Variants in KMT2E observed in about 807,000 individuals in gnomAD.
KMT2E encodes lysine methyltransferase 2E (inactive).
In KMT2E, 30 loss-of-function variants were observed where a neutral mutation model predicts 184.6. The observed-to-expected ratio is 0.16, with a 90% CI of 0.12 to 0.22. The LOEUF is 0.22. Among genes scored for constraint, KMT2E ranks in the 10% least tolerant of loss-of-function variants. KMT2E has a pLI of 1.00. For missense variants in KMT2E, 2,023 were observed against 2,237.4 expected, an observed-to-expected ratio of 0.90 and a Z score of 1.93; for synonymous variants, 815 against 776.5, an observed-to-expected ratio of 1.05 and a Z score of -0.82.
chr7:105,106,885 T>C, intron 20 of KMT2E, 113 bp downstream of exon 20: 1 of 1,097,360 alleles, frequency 9.1e-7, no homozygotes, highest in Non-Finnish European at 1.3e-6. Context: ...AAAAAAAAGG[T>C]TGTAAGAAAC....
At chr7:105,052,732 T>A (rs2129566292) in intron 3 of KMT2E, among the ~76,000 whole-genome samples, 1 of 151,516 alleles carries the variant, frequency 6.6e-6, no homozygotes, top group South Asian at 2.1e-4. Context: ...CTAATTTTTT[T>A]TTTTATTTTT....
chr7:105,051,252 C>G (rs1179357781), intron 3 of KMT2E, among the ~76,000 whole-genome samples: 1 of 151,086 alleles, frequency 6.6e-6, no homozygotes, highest in Non-Finnish European at 1.5e-5. Context: ...ATGGCACGAT[C>G]TTGGCTCACT....
At chr7:105,104,913 A>G (rs1453336330) in intron 17 of KMT2E, 2 of 152,438 alleles carry the variant, frequency 1.3e-5, no homozygotes, top group African/African-American at 4.8e-5. Context: ...TCACACCTGT[A>G]AACTCAGCAC....
chr7:105,108,757 T>C (rs536210168), intron 22 of KMT2E, 185 bp from the exon 23 acceptor site: 5 of 581,358 alleles, frequency 8.6e-6, no homozygotes, highest in African/African-American at 3.7e-5. Flanking sequence ...TGTATGTAAA[T>C]CATCTAAGTA....
intron 6 of KMT2E, among the ~76,000 whole-genome samples, chr7:105,068,624 G>GTTTTTTTTTTTTTT (rs77819480): frequency 1.8e-5 from 2 of 112,270 alleles, no homozygotes; most frequent in African/African-American, 4.0e-5. Flanking sequence ...ACTAGTTGTG[G>GTTTTTTTTTTTTTT]TTTTTTTTTT....
chr7:105,062,326 T>C (rs1390777816), intron 4 of KMT2E, 48 bp downstream of exon 4: 1 of 1,224,036 alleles, frequency 8.2e-7, no homozygotes, highest in Non-Finnish European at 1.2e-6. Context: ...ATTTAGAGAT[T>C]GAAAGTAGAT....
At chr7:105,089,320 T>C in intron 13 of KMT2E, 1 of 393,164 alleles carries the variant, frequency 2.5e-6, no homozygotes. Context: ...TGCCTTAGCC[T>C]ATCGCGTAGC....
chr7:105,071,580 G>GTATATATATATATATATATA (rs1438005247), intron 6 of KMT2E, among the ~76,000 whole-genome samples: 34 of 64,962 alleles, frequency 5.2e-4, no homozygotes, highest in East Asian at 1.2e-3. Flanking sequence ...GTATGTGTGT[G>GTATATATATATATATATATA]TGTATATATA....
intron 6 of KMT2E, among the ~76,000 whole-genome samples, chr7:105,067,167 CTAT>C (rs1167573352): frequency 2.0e-5 from 3 of 149,896 alleles, no homozygotes; most frequent in Admixed American, 6.7e-5. Flanking sequence ...TGTATTCTTA[CTAT>C]TATTTTTGTA....
intron 3 of KMT2E, among the ~76,000 whole-genome samples, chr7:105,044,133 C>G (rs564838192): frequency 6.6e-6 from 1 of 152,042 alleles, no homozygotes; most frequent in East Asian, 1.9e-4. Context: ...CTTCTGATGA[C>G]CAAAAATGTT....
chr7:105,023,543 C>G (rs1418242299), intron 1 of KMT2E, among the ~76,000 whole-genome samples: 1 of 149,230 alleles, frequency 6.7e-6, no homozygotes, highest in African/African-American at 2.5e-5. Context: ...CTTCCGGGTT[C>G]ATGCCATTCT....
intron 3 of KMT2E, among the ~76,000 whole-genome samples, chr7:105,056,004 ATAT>A (rs1172125144): frequency 4.0e-5 from 6 of 151,886 alleles, no homozygotes; most frequent in Admixed American, 3.3e-4. Context: ...AAAGAAAACT[ATAT>A]TATTGTAAGT....
At chr7:105,017,567 G>A (rs997095256) in intron 1 of KMT2E, among the ~76,000 whole-genome samples, 6 of 149,494 alleles carry the variant, frequency 4.0e-5, no homozygotes, top group African/African-American at 1.5e-4. Flanking sequence ...AATTTACTAT[G>A]TGTGTTTTAA....
chr7:105,106,804 A>G, intron 20 of KMT2E, 32 bp downstream of exon 20: 2 of 1,603,130 alleles, frequency 1.2e-6, no homozygotes. Flanking sequence ...AAAAAAATTC[A>G]ACACTTGGGG....
chr7:105,056,310 CAGAG>C (rs1243205020), intron 3 of KMT2E, among the ~76,000 whole-genome samples: 2 of 152,184 alleles, frequency 1.3e-5, no homozygotes, highest in Non-Finnish European at 2.9e-5. Flanking sequence ...TATAAACACA[CAGAG>C]AGGTACAGTT....
At chr7:105,075,188 C>CTTT (rs34014525) in intron 8 of KMT2E, among the ~76,000 whole-genome samples, 1 of 140,624 alleles carries the variant, frequency 7.1e-6, no homozygotes, top group Admixed American at 7.1e-5. Context: ...TCTTTGCCTC[C>CTTT]TTTTTTTTTT....
chr7:105,085,377 C>T (rs112160092), intron 13 of KMT2E, among the ~76,000 whole-genome samples: 175 of 152,054 alleles, frequency 1.2e-3, no homozygotes, highest in Non-Finnish European at 2.1e-3. Flanking sequence ...GGCGAAACCC[C>T]GTCTCTACTA....
At chr7:105,015,642 T>A (rs1171850542) in intron 1 of KMT2E, among the ~76,000 whole-genome samples, 5 of 152,126 alleles carry the variant, frequency 3.3e-5, no homozygotes, top group Non-Finnish European at 5.9e-5. Context: ...AACTGAAATT[T>A]CCCTCTTTTG....
chr7:105,041,621 G>A (rs1183575584), intron 3 of KMT2E, among the ~76,000 whole-genome samples: 2 of 152,228 alleles, frequency 1.3e-5, no homozygotes, highest in Admixed American at 1.3e-4. Context: ...GGCTGGTCTC[G>A]AACTCCTGAC....
Sources: allele counts gnomAD v4.1 joint callset (sites outside exome capture counted in the v4.1 genomes callset), GRCh38; gene constraint gnomAD v4.1.1; transcripts MANE v1.5; gene names NCBI Gene and HGNC (gene_info 2026-07-23, HGNC 2026-07-21).